Variants in CHM observed in about 807,000 individuals in gnomAD.
The protein encoded by CHM is CHM Rab escort protein, also known as rab proteins geranylgeranyltransferase component A 1.
In CHM, 10 loss-of-function variants were observed where a neutral mutation model predicts 49.0. The observed-to-expected ratio is 0.20, with a 90% CI of 0.13 to 0.35. The LOEUF (loss-of-function observed/expected upper bound fraction) is 0.35. Among genes scored for constraint, CHM ranks in the 10% least tolerant of loss-of-function variants. The pLI, the probability that CHM is intolerant of heterozygous loss-of-function variation, is 1.00. For missense variants in CHM, 455 were observed against 478.4 expected, an observed-to-expected ratio of 0.95 and a Z score of 0.46; for synonymous variants, 184 against 167.5, an observed-to-expected ratio of 1.10 and a Z score of -0.76.
At chrX:85,864,926 T>G (rs1923592693) in intron 14 of CHM, 105 bp from the exon 15 acceptor site, 1 of 805,665 alleles carries the variant, frequency 1.2e-6, no homozygotes, top group South Asian at 2.2e-5. Flanking sequence ...CCTTAAAAAT[T>G]TGCTTAAACA....
At chrX:85,888,131 C>G (rs916224356) in intron 12 of CHM, among the ~76,000 whole-genome samples, 7 of 108,216 alleles carry the variant, frequency 6.5e-5, no homozygotes, top group African/African-American at 2.4e-4. Flanking sequence ...GCAGCAGCCC[C>G]TCCCATCACA....
At chrX:85,872,399 C>G (rs893108128) in intron 14 of CHM, among the ~76,000 whole-genome samples, 1 of 111,800 alleles carries the variant, frequency 8.9e-6, no homozygotes, top group Non-Finnish European at 1.9e-5. Context: ...TTAATGGAAT[C>G]ATGGCTCACT....
chrX:85,998,585 G>A (rs1007368235), intron 2 of CHM, among the ~76,000 whole-genome samples: 11 of 111,647 alleles, frequency 9.9e-5, no homozygotes, highest in South Asian at 3.7e-4. Context: ...CATACCTTAC[G>A]TTGGACTACA....
At chrX:85,879,495 C>CTTAG (rs10644484) in intron 12 of CHM, among the ~76,000 whole-genome samples, 8,672 of 111,449 alleles carry the variant, frequency 0.078, 738 homozygotes, top group African/African-American at 0.26. Flanking sequence ...ACACTGCTGA[C>CTTAG]TTAGAATCAC....
At chrX:85,930,893 C>T (rs1928387499) in intron 8 of CHM, among the ~76,000 whole-genome samples, 1 of 111,758 alleles carries the variant, frequency 8.9e-6, no homozygotes, top group African/African-American at 3.3e-5. Flanking sequence ...ATATTTGCAA[C>T]ACTGGAAGCC....
intron 5 of CHM, among the ~76,000 whole-genome samples, chrX:85,962,750 C>T: frequency 9.0e-6 from 1 of 111,520 alleles, no homozygotes; most frequent in East Asian, 2.8e-4. Flanking sequence ...CCTTTAAGGC[C>T]ATAATCCTTT....
chrX:85,916,513 AACC>A (rs1033751697), intron 8 of CHM, among the ~76,000 whole-genome samples: 10 of 112,101 alleles, frequency 8.9e-5, no homozygotes, highest in Admixed American at 1.9e-4. Flanking sequence ...CAGAGTAGCC[AACC>A]TACAGAATGG....
chrX:86,013,727 T>A (rs1481221081), intron 2 of CHM, among the ~76,000 whole-genome samples: 1 of 43,681 alleles, frequency 2.3e-5, no homozygotes. Flanking sequence ...GAACAAGACT[T>A]CGTCTCAAAA....
chrX:85,939,552 A>T (rs1454467679), intron 8 of CHM, among the ~76,000 whole-genome samples: 1 of 112,448 alleles, frequency 8.9e-6, no homozygotes, highest in Non-Finnish European at 1.9e-5. Context: ...ATACACAGTT[A>T]CCTGTACAAG....
intron 8 of CHM, among the ~76,000 whole-genome samples, chrX:85,914,333 C>T (rs941792161): frequency 3.6e-5 from 4 of 110,624 alleles, no homozygotes; most frequent in East Asian, 2.9e-4. Flanking sequence ...AGGATTGGGC[C>T]GGTGTGATCT....
At chrX:85,914,706 A>G (rs1457686510) in intron 8 of CHM, among the ~76,000 whole-genome samples, 1 of 110,988 alleles carries the variant, frequency 9.0e-6, no homozygotes, top group African/African-American at 3.3e-5. Flanking sequence ...GGAGCCCAAC[A>G]CTGCCCTGCT....
intron 8 of CHM, among the ~76,000 whole-genome samples, chrX:85,943,903 C>T (rs1929263737): frequency 9.1e-6 from 1 of 110,015 alleles, no homozygotes; most frequent in Admixed American, 9.8e-5. Flanking sequence ...TGTACTGCTA[C>T]CAGAATAGTA....
At chrX:85,944,380 A>G (rs1929289715) in intron 8 of CHM, among the ~76,000 whole-genome samples, 1 of 112,073 alleles carries the variant, frequency 8.9e-6, no homozygotes, top group Non-Finnish European at 1.9e-5. Context: ...AAGAAAAAAC[A>G]ATATAAAATA....
chrX:86,018,772 A>C (rs781113291), intron 2 of CHM, among the ~76,000 whole-genome samples: 27 of 112,290 alleles, frequency 2.4e-4, no homozygotes, highest in African/African-American at 8.7e-4. Context: ...AGGCTGAGTG[A>C]AAAAGGCCAA....
At chrX:86,039,620 C>A (rs1011090993) in intron 1 of CHM, among the ~76,000 whole-genome samples, 32 of 109,739 alleles carry the variant, frequency 2.9e-4, no homozygotes, top group Non-Finnish European at 5.5e-4. Flanking sequence ...AGGGCAGGTC[C>A]CTGAGAAAAC....
chrX:85,958,793 T>G, intron 6 of CHM, 68 bp downstream of exon 6: 3 of 1,204,527 alleles, frequency 2.5e-6, no homozygotes, highest in South Asian at 3.6e-5. Flanking sequence ...CTTATTTGCT[T>G]ATCTTTCCAA....
chrX:85,956,446 AAGG>A, intron 7 of CHM, 68 bp from the exon 8 acceptor site: 1 of 1,146,317 alleles, frequency 8.7e-7, no homozygotes, highest in Non-Finnish European at 1.2e-6. Context: ...ACCCCACAAA[AAGG>A]AGATGAAGTG....
chrX:85,935,297 C>T (rs940500005), intron 8 of CHM, among the ~76,000 whole-genome samples: 2 of 111,572 alleles, frequency 1.8e-5, no homozygotes, highest in Admixed American at 9.5e-5. Context: ...GGAATCCACC[C>T]CCATGTCCCT....
At position 85,863,022 on chromosome X, in the gene CHM, A is replaced by G. The variant is rs1362704173; in HGVS notation, c.*1608T>C. 1 of 111,370 alleles carries G rather than the reference A, an allele frequency of 9.0e-6. No individual in the cohort carries two copies. The highest frequency in any genetic ancestry group is 3.3e-5 in the African/African-American group (1 of 30,563). 9.2% of individuals were successfully genotyped at this position (111,370 alleles called of 1,213,427 possible). ...TTGCTCAAATAAAGTAGACCATCAGAGCTTGGCCATTTGAGAAAATTTAAA... is the reference window on the plus strand; with the variant it reads ...TTGCTCAAATAAAGTAGACCATCAGGGCTTGGCCATTTGAGAAAATTTAAA... On this transcript the variant is annotated 3_prime_UTR_variant, in exon 15 of 15. Transcript: ENST00000357749.
Sources: allele counts gnomAD v4.1 joint callset (sites outside exome capture counted in the v4.1 genomes callset), GRCh38; gene constraint gnomAD v4.1.1; transcripts MANE v1.5; gene names NCBI Gene and HGNC (gene_info 2026-07-23, HGNC 2026-07-21).